The following SCN9A variants were observed in gnomAD, a reference collection of about 807,000 sequenced individuals.
The protein encoded by SCN9A is sodium voltage-gated channel alpha subunit 9, also known as sodium channel protein type 9 subunit alpha.
SCN9A carries 131 observed loss-of-function variants against 187.0 expected under a neutral mutation model. The ratio of observed to expected loss-of-function variants is 0.70; its 90% CI spans 0.61 to 0.81. The LOEUF is 0.81. SCN9A is among the 30% of genes least tolerant of loss of function. The pLI, the probability that SCN9A is intolerant of heterozygous loss-of-function variation, is 0.00. For missense variants in SCN9A, 2,252 were observed against 2,396.6 expected (o/e 0.94, Z 1.26); for synonymous variants, 809 against 808.6 (o/e 1.00, Z -0.01).
intron 24 of SCN9A, among the ~76,000 whole-genome samples, chr2:166,208,120 T>G (rs944963275): frequency 6.6e-6 from 1 of 152,204 alleles, no homozygotes; most frequent in East Asian, 1.9e-4. Context: ...ATTTAGGCCT[T>G]GTGCAAAATG....
chr2:166,275,554 A>G (rs1697196627), intron 16 of SCN9A, among the ~76,000 whole-genome samples: 1 of 150,852 alleles, frequency 6.6e-6, no homozygotes, highest in Non-Finnish European at 1.5e-5. Context: ...ATTGCACTCC[A>G]GCCTGGGCAA....
At chr2:166,282,394 C>G (rs1697529300) in intron 12 of SCN9A, among the ~76,000 whole-genome samples, 1 of 152,150 alleles carries the variant, frequency 6.6e-6, no homozygotes, top group South Asian at 2.1e-4. Context: ...ATGGAGAATG[C>G]AAGCTACATC....
intron 15 of SCN9A, 96 bp from the exon 16 acceptor site, chr2:166,277,435 G>T: frequency 1.4e-6 from 1 of 730,082 alleles, no homozygotes. Context: ...CAGACTTTAA[G>T]TCCTATAATA....
chr2:166,349,996 ATAAAAAAT>A (rs1425187863), intron 1 of SCN9A, among the ~76,000 whole-genome samples: 2,352 of 92,598 alleles, frequency 0.025, 61 homozygotes, highest in African/African-American at 0.1. Context: ...AAAATAAAAA[ATAAAAAAT>A]AAAATAAAAT....
intron 9 of SCN9A, among the ~76,000 whole-genome samples, chr2:166,291,599 A>T (rs1185019609): frequency 6.6e-6 from 1 of 152,224 alleles, no homozygotes; most frequent in East Asian, 1.9e-4. Context: ...ACCAGGAAAG[A>T]GCACATATAG....
chr2:166,226,486 CA>C, intron 24 of SCN9A, 80 bp downstream of exon 24: 1 of 976,680 alleles, frequency 1.0e-6, no homozygotes, highest in South Asian at 2.1e-5. Context: ...GAATTGATAT[CA>C]AATTAAACTT....
At chr2:166,293,631 C>A (rs1461172171) in intron 8 of SCN9A, among the ~76,000 whole-genome samples, 1 of 152,094 alleles carries the variant, frequency 6.6e-6, no homozygotes, top group African/African-American at 2.4e-5. Context: ...ATAATGTGTA[C>A]AAATTACTTA....
chr2:166,230,808 T>C (rs1224364828), intron 21 of SCN9A, among the ~76,000 whole-genome samples: 1 of 152,032 alleles, frequency 6.6e-6, no homozygotes, highest in East Asian at 1.9e-4. Context: ...ACATAGTTGG[T>C]GTTTAAAATG....
chr2:166,268,466 C>T (rs1696837587), intron 17 of SCN9A, among the ~76,000 whole-genome samples: 1 of 151,894 alleles, frequency 6.6e-6, no homozygotes, highest in Non-Finnish European at 1.5e-5. Context: ...AGGGAATTCA[C>T]AGTTCAAGAC....
chr2:166,291,014 C>A (rs1051224232), intron 9 of SCN9A, among the ~76,000 whole-genome samples: 3 of 152,162 alleles, frequency 2.0e-5, no homozygotes, highest in Non-Finnish European at 4.4e-5. Flanking sequence ...CCTTTAAAAA[C>A]TGGCACAAGA....
At chr2:166,233,258 C>G (rs1265886516) in intron 21 of SCN9A, 82 bp downstream of exon 21, 1 of 1,016,582 alleles carries the variant, frequency 9.8e-7, no homozygotes, top group African/African-American at 1.7e-5. Context: ...AGAAACAACT[C>G]ATAATTTCTA....
At chr2:166,248,433 C>T (rs1290122519) in intron 18 of SCN9A, among the ~76,000 whole-genome samples, 1 of 152,094 alleles carries the variant, frequency 6.6e-6, no homozygotes, top group Non-Finnish European at 1.5e-5. Flanking sequence ...ATGTCACACC[C>T]TCACTATACA....
intron 1 of SCN9A, among the ~76,000 whole-genome samples, chr2:166,343,396 A>G (rs1375814969): frequency 1.3e-5 from 2 of 152,108 alleles, no homozygotes; most frequent in African/African-American, 4.8e-5. Context: ...TTTCTGGGAA[A>G]AAGAAAAAAA....
chr2:166,282,873 AGTCT>A (rs1390913462), intron 12 of SCN9A, among the ~76,000 whole-genome samples: 1 of 152,152 alleles, frequency 6.6e-6, no homozygotes, highest in Non-Finnish European at 1.5e-5. Context: ...TCTGTGCTAT[AGTCT>A]GTCAAACAAG....
intron 17 of SCN9A, among the ~76,000 whole-genome samples, chr2:166,271,502 G>C (rs1218326862): frequency 2.6e-5 from 4 of 152,054 alleles, no homozygotes; most frequent in Non-Finnish European, 4.4e-5. Context: ...CTAGGAGATA[G>C]AGCTGGTCAA....
chr2:166,270,170 G>T (rs1411705574), intron 17 of SCN9A, among the ~76,000 whole-genome samples: 1 of 151,930 alleles, frequency 6.6e-6, no homozygotes, highest in Admixed American at 6.6e-5. Flanking sequence ...TCCCACATCT[G>T]TAGAGTCAAC....
chr2:166,354,208 AAAAC>A (rs1294743917), intron 1 of SCN9A, among the ~76,000 whole-genome samples: 1 of 152,176 alleles, frequency 6.6e-6, no homozygotes, highest in Non-Finnish European at 1.5e-5. Context: ...AAAACATTGA[AAAAC>A]AAAGCAATTT....
chr2:166,204,055 G>T lies in SCN9A; in HGVS notation c.4674C>A (p.Phe1558Leu). The change falls in exon 26 of 27, where the codon TTC becomes TTA. Residue 1558 changes from phenylalanine to leucine, a missense_variant. Coordinates refer to ENST00000642356, the MANE Select transcript of SCN9A (RefSeq NM_001365536.1). Reference protein sequence around the residue: ...YWINVVFIILFTGECVLKLIS... With the variant: ...YWINVVFIILLTGECVLKLIS... ...TCAGTTTTAGCACACATTCTCCAGTGAAAAGGATTATAAAAACCACATTTA... is the reference window on the plus strand; with the variant it reads ...TCAGTTTTAGCACACATTCTCCAGTTAAAAGGATTATAAAAACCACATTTA... 1 of 1,611,602 alleles carries T rather than the reference G, an allele frequency of 6.2e-7. No individual in the cohort carries two copies. Among genetic ancestry groups the T allele is most frequent in the Non-Finnish European group, 8.5e-7 (1 of 1,178,244 alleles).
chr2:166,253,379 C>T (rs1333109600), intron 17 of SCN9A, among the ~76,000 whole-genome samples: 1 of 151,586 alleles, frequency 6.6e-6, no homozygotes, highest in Non-Finnish European at 1.5e-5. Flanking sequence ...AGTATCAGTA[C>T]AAAATTTCAC....
Sources: gnomAD v4.1 joint callset for allele counts (sites outside exome capture counted in the v4.1 genomes callset) on GRCh38, gnomAD v4.1.1 for gene constraint, MANE v1.5 for transcripts, NCBI Gene and HGNC (gene_info 2026-07-23, HGNC 2026-07-21) for gene names.